Variants in EYS observed in about 807,000 individuals in gnomAD.
The protein encoded by EYS is protein eyes shut homolog.
A neutral mutation model predicts 282.1 loss-of-function variants in EYS; 250 were observed. That is an observed-to-expected ratio of 0.89 (90% CI 0.80 to 0.98). EYS has a LOEUF of 0.98. Among genes scored for constraint, EYS ranks in the 50% least tolerant of loss-of-function variants. The pLI, the probability that EYS is intolerant of heterozygous loss-of-function variation, is 0.00. For missense variants in EYS, 4,016 were observed against 3,709.0 expected, an observed-to-expected ratio of 1.08 and a Z score of -2.15; for synonymous variants, 1,355 against 1,282.9, an observed-to-expected ratio of 1.06 and a Z score of -1.20.
rs1056647343 is a variant in EYS at position 64,555,639 on chromosome 6, AT to A, written c.5644+34583del. Among the ~76,000 whole-genome samples the A allele has an allele frequency of 7.0e-4, 107 of 151,990 alleles. 2 individuals are homozygous for A. The highest frequency in any genetic ancestry group is 9.8e-4 in the Admixed American group (15 of 15,234). On this transcript the variant is annotated intron_variant, in intron 26 of 42. Transcript: ENST00000503581. ...GTAATATAAAAAATAAATTTAAAAAATATATGTACAAAAAGGAAATACAGAT... is the reference window on the plus strand; with the variant it reads ...GTAATATAAAAAATAAATTTAAAAAAATATGTACAAAAAGGAAATACAGAT...
rs983501587 is a variant in EYS, at chr6:65,495,273, T to C, written c.138A>G (p.Thr46=). ...TGTAGAAGTCCAAGCAGATGTTTTCTGTTAGTGTCCAATTTACCACATATG... is the reference window on the plus strand; with the variant it reads ...TGTAGAAGTCCAAGCAGATGTTTTCCGTTAGTGTCCAATTTACCACATATG... The part of the protein sequence containing the change: ...PSSYVVNWTL[T]ENICLDFYRD... Residue 46 remains threonine, a synonymous_variant, in exon 4 of 43, where the codon ACA becomes ACG. Transcript: ENST00000503581. The C allele has an allele frequency of 1.2e-6, 2 of 1,614,180 alleles. No homozygotes were observed. Among genetic ancestry groups the C allele is most frequent in the Admixed American group, 1.7e-5 (1 of 60,022 alleles).
intron 22 of EYS, among the ~76,000 whole-genome samples, chr6:64,728,501 AT>A (rs1202809701): frequency 9.9e-5 from 15 of 151,866 alleles, no homozygotes; most frequent in Admixed American, 3.9e-4. Context: ...TGCCTGACTA[AT>A]TTTTTTGTAT....
chr6:65,602,399 T>C (rs1476597436), intron 2 of EYS, among the ~76,000 whole-genome samples: 1 of 151,934 alleles, frequency 6.6e-6, no homozygotes, highest in African/African-American at 2.4e-5. Context: ...TTTTACTAAA[T>C]TTGATTAGTT....
At chr6:63,946,475 ATTCT>A (rs1169179266) in intron 35 of EYS, among the ~76,000 whole-genome samples, 2 of 152,180 alleles carry the variant, frequency 1.3e-5, no homozygotes, top group East Asian at 1.9e-4. Context: ...CATACTAATC[ATTCT>A]TTCTGGTAAT....
At chr6:65,252,758 T>C (rs1365139335) in intron 12 of EYS, among the ~76,000 whole-genome samples, 1 of 151,770 alleles carries the variant, frequency 6.6e-6, no homozygotes, top group Admixed American at 6.6e-5. Flanking sequence ...AGCAAATAGA[T>C]AAAATATATA....
intron 30 of EYS, among the ~76,000 whole-genome samples, chr6:64,289,487 T>C (rs1768622980): frequency 6.6e-6 from 1 of 152,064 alleles, no homozygotes; most frequent in South Asian, 2.1e-4. Context: ...ATGAGAAGGC[T>C]CTACCTCTCC....
At chr6:65,375,459 CA>C (rs1237355957) in intron 8 of EYS, among the ~76,000 whole-genome samples, 1 of 151,934 alleles carries the variant, frequency 6.6e-6, no homozygotes, top group African/African-American at 2.4e-5. Flanking sequence ...CTGAAAATTC[CA>C]AAAACCAGAA....
intron 11 of EYS, among the ~76,000 whole-genome samples, chr6:65,325,464 G>A (rs1237999115): frequency 6.6e-6 from 1 of 152,130 alleles, no homozygotes; most frequent in Non-Finnish European, 1.5e-5. Flanking sequence ...GAGGGAGAAT[G>A]ACTTGCTTAA....
chr6:65,045,207 C>T (rs1773065923), intron 13 of EYS, among the ~76,000 whole-genome samples: 1 of 151,812 alleles, frequency 6.6e-6, no homozygotes, highest in South Asian at 2.1e-4. Context: ...TCTCCTAAGT[C>T]CACAATATCT....
intron 36 of EYS, among the ~76,000 whole-genome samples, chr6:63,843,008 A>G (rs1258156650): frequency 6.6e-6 from 1 of 152,170 alleles, no homozygotes; most frequent in Non-Finnish European, 1.5e-5. Context: ...TGGTTACTGT[A>G]GACTTGTAGT....
At chr6:65,198,701 C>T (rs1765828616) in intron 12 of EYS, among the ~76,000 whole-genome samples, 1 of 152,098 alleles carries the variant, frequency 6.6e-6, no homozygotes, top group South Asian at 2.1e-4. Context: ...TTTCGATTGA[C>T]TACTCTTTGA....
intron 19 of EYS, among the ~76,000 whole-genome samples, chr6:64,872,952 G>A (rs1766638614): frequency 6.6e-6 from 1 of 152,056 alleles, no homozygotes; most frequent in Non-Finnish European, 1.5e-5. Context: ...CCAGATAACA[G>A]TGGGAACTGT....
At chr6:65,019,606 G>A (rs963985630) in intron 13 of EYS, among the ~76,000 whole-genome samples, 2 of 152,126 alleles carry the variant, frequency 1.3e-5, no homozygotes, top group African/African-American at 4.8e-5. Context: ...TACCTGCCAA[G>A]CACCATATTA....
intron 12 of EYS, among the ~76,000 whole-genome samples, chr6:65,140,563 A>C (rs559504873): frequency 6.6e-5 from 10 of 151,490 alleles, no homozygotes; most frequent in East Asian, 2.0e-4. Context: ...CAACCTACAA[A>C]ATGGGAGAAA....
chr6:65,395,840 C>T (rs1766259935), intron 7 of EYS, among the ~76,000 whole-genome samples: 1 of 150,742 alleles, frequency 6.6e-6, no homozygotes, highest in Non-Finnish European at 1.5e-5. Flanking sequence ...AATATTATAA[C>T]CCTTTGAACA....
intron 31 of EYS, among the ~76,000 whole-genome samples, chr6:64,127,009 C>A (rs1230524150): frequency 6.6e-6 from 1 of 152,048 alleles, no homozygotes; most frequent in Non-Finnish European, 1.5e-5. Flanking sequence ...GCTGACCTAG[C>A]ATAACAAGGG....
At chr6:64,333,831 G>T (rs1416922048) in intron 29 of EYS, among the ~76,000 whole-genome samples, 2 of 152,178 alleles carry the variant, frequency 1.3e-5, no homozygotes, top group South Asian at 4.1e-4. Flanking sequence ...TACCCAGCTA[G>T]CCAAAAGTAT....
intron 2 of EYS, among the ~76,000 whole-genome samples, chr6:65,545,528 G>A (rs1424970050): frequency 6.6e-6 from 1 of 152,116 alleles, no homozygotes; most frequent in Admixed American, 6.6e-5. Flanking sequence ...AATGAAGAAA[G>A]TGGGATCAAA....
At chr6:64,707,141 G>A (rs555504178) in intron 22 of EYS, among the ~76,000 whole-genome samples, 2 of 151,112 alleles carry the variant, frequency 1.3e-5, no homozygotes, top group Admixed American at 1.3e-4. Flanking sequence ...ATATATATAT[G>A]TGTCATGGAA....
Sources: allele counts gnomAD v4.1 joint callset (sites outside exome capture counted in the v4.1 genomes callset), GRCh38; gene constraint gnomAD v4.1.1; transcripts MANE v1.5; gene names NCBI Gene and HGNC (gene_info 2026-07-23, HGNC 2026-07-21).